DMD: variants seen among roughly 807,000 people sequenced by gnomAD.
The protein encoded by DMD is dystrophin, also known as mutant dystrophin.
DMD carries 63 observed loss-of-function variants against 330.1 expected under a neutral mutation model. The observed-to-expected ratio is 0.19, with a 90% CI of 0.16 to 0.24. The LOEUF is 0.24. Among genes scored for constraint, DMD ranks in the 10% least tolerant of loss-of-function variants. The probability of loss-of-function intolerance (pLI) is 1.00; values close to 1 mark genes in which losing one functional copy is unlikely to be tolerated. For missense variants in DMD, 3,344 were observed against 2,684.1 expected (o/e 1.25, Z -5.43); for synonymous variants, 1,223 against 959.8 (o/e 1.27, Z -5.07).
chrX:31,601,660 C>A (rs888592557), intron 55 of DMD, among the ~76,000 whole-genome samples: 4 of 111,186 alleles, frequency 3.6e-5, no homozygotes, highest in Non-Finnish European at 7.6e-5. Flanking sequence ...TTATGAAAAA[C>A]AATGATACTG....
chrX:32,468,508 C>T lies in DMD; in HGVS notation c.3152G>A (p.Arg1051Gln), dbSNP rs761715369. 24 of 1,202,590 alleles carry T rather than the reference C, an allele frequency of 2.0e-5. No homozygotes were observed. The highest frequency in any genetic ancestry group is 7.0e-5 in the African/African-American group (4 of 56,922). The change falls in exon 23 of 79, where the codon CGA becomes CAA. Residue 1051 changes from arginine to glutamine, a missense_variant. By Grantham distance (43) the Arg-to-Gln change is conservative. Transcript: ENST00000357033. ...AAAATCTTGAATTACCTGAATTTTT[C>T]GGAGTTTATTCATTTGCTCCTCTAG... Reference protein sequence around the residue: ...QKLEEQMNKLRKIQNHIQTLK... With the variant: ...QKLEEQMNKLQKIQNHIQTLK...
At chrX:32,265,269 C>A (rs2097339860) in intron 43 of DMD, among the ~76,000 whole-genome samples, 1 of 112,634 alleles carries the variant, frequency 8.9e-6, no homozygotes, top group African/African-American at 3.2e-5. Flanking sequence ...CAGCCCATGG[C>A]TACAGAGGGT....
chrX:33,333,586 C>T (rs2054210005), intron 1 of DMD, among the ~76,000 whole-genome samples: 1 of 110,370 alleles, frequency 9.1e-6, no homozygotes, highest in Non-Finnish European at 1.9e-5. Flanking sequence ...TTATATCTTT[C>T]CCTAGAAAAA....
chrX:31,613,978 C>A (rs1218651572), intron 55 of DMD, among the ~76,000 whole-genome samples: 1 of 111,994 alleles, frequency 8.9e-6, no homozygotes, highest in African/African-American at 3.2e-5. Flanking sequence ...GTTGTCTAAT[C>A]AATGCAATGG....
At chrX:33,311,601 T>C (rs1204427267) in intron 1 of DMD, among the ~76,000 whole-genome samples, 1 of 110,769 alleles carries the variant, frequency 9.0e-6, no homozygotes, top group Non-Finnish European at 1.9e-5. Flanking sequence ...TTTGCTGCTG[T>C]GTTCATAATG....
chrX:31,563,878 T>C (rs1436112377), intron 55 of DMD, among the ~76,000 whole-genome samples: 1 of 111,914 alleles, frequency 8.9e-6, no homozygotes, highest in Non-Finnish European at 1.9e-5. Flanking sequence ...ATTTAAATGT[T>C]GAAGTCCTAA....
intron 30 of DMD, among the ~76,000 whole-genome samples, chrX:32,401,417 A>G (rs1224216365): frequency 8.9e-6 from 1 of 112,165 alleles, no homozygotes; most frequent in Non-Finnish European, 1.9e-5. Context: ...TTGCAATAAC[A>G]TGGATGGAAT....
chrX:31,584,922 C>T (rs2076515148), intron 55 of DMD, among the ~76,000 whole-genome samples: 1 of 111,230 alleles, frequency 9.0e-6, no homozygotes, highest in African/African-American at 3.3e-5. Context: ...GGGTGTTAGC[C>T]TCATACTCTT....
chrX:32,651,427 G>C (rs2060147337), intron 9 of DMD, among the ~76,000 whole-genome samples: 1 of 112,179 alleles, frequency 8.9e-6, no homozygotes, highest in African/African-American at 3.2e-5. Context: ...ACAGGTGTGA[G>C]CCACGGTGTC....
chrX:31,497,255 A>C (rs1014700820), intron 56 of DMD, among the ~76,000 whole-genome samples: 9 of 112,108 alleles, frequency 8.0e-5, no homozygotes, highest in Middle Eastern at 4.6e-3. Context: ...CTGGTAGAAA[A>C]AATTGGATGC....
At chrX:32,460,232 C>T (rs1473887039) in intron 25 of DMD, among the ~76,000 whole-genome samples, 1 of 110,719 alleles carries the variant, frequency 9.0e-6, no homozygotes, top group Non-Finnish European at 1.9e-5. Context: ...TAATTGTTGG[C>T]ACGGATGCAG....
intron 17 of DMD, among the ~76,000 whole-genome samples, chrX:32,519,532 A>T (rs69043): frequency 0.29 from 31,602 of 110,432 alleles, 3,831 homozygotes; most frequent in African/African-American, 0.46. Context: ...CAGTGTGTAA[A>T]ATAAACAGGG....
intron 44 of DMD, among the ~76,000 whole-genome samples, chrX:32,096,010 C>A (rs1285148919): frequency 9.0e-6 from 1 of 111,262 alleles, no homozygotes. Flanking sequence ...CACCCATTAA[C>A]TCGTCATTTA....
At chrX:31,185,081 T>C (rs998197238) in intron 67 of DMD, among the ~76,000 whole-genome samples, 1 of 107,569 alleles carries the variant, frequency 9.3e-6, no homozygotes, top group Non-Finnish European at 1.9e-5. Context: ...AACCTGCACA[T>C]TGTGCACATG....
At chrX:31,273,501 T>C (rs775117911) in intron 62 of DMD, among the ~76,000 whole-genome samples, 21 of 111,900 alleles carry the variant, frequency 1.9e-4, no homozygotes, top group African/African-American at 6.5e-4. Context: ...CAAAAAAAAA[T>C]TTTAAATGCT....
intron 62 of DMD, chrX:31,266,683 C>G: frequency 1.4e-6 from 1 of 699,020 alleles, no homozygotes; most frequent in Non-Finnish European, 2.2e-6. Context: ...AGACGCCCAG[C>G]CGCCCGGCGC....
In DMD at chrX:32,389,377, T is replaced by C. The variant is rs189020557; in HGVS notation, c.4518+124A>G. ...TACATGTGCCAATTTTTGTTCTCAATCTTAAAATTACATAGTATAATTATT... is the reference window on the plus strand; with the variant it reads ...TACATGTGCCAATTTTTGTTCTCAACCTTAAAATTACATAGTATAATTATT... On this transcript the variant is annotated intron_variant, in intron 32 of 78. Coordinates refer to ENST00000357033, the MANE Select transcript of DMD (RefSeq NM_004006.3). The C allele has an allele frequency of 4.0e-3, 3,278 of 813,947 alleles. 11 individuals are homozygous for C. Among genetic ancestry groups the C allele is most frequent in the Non-Finnish European group, 5.1e-3 (2,833 of 556,816 alleles). 67.1% of individuals were successfully genotyped at this position (813,947 alleles called of 1,213,427 possible).
At chrX:32,047,123 A>G (rs1458092865) in intron 44 of DMD, among the ~76,000 whole-genome samples, 1 of 111,492 alleles carries the variant, frequency 9.0e-6, no homozygotes, top group East Asian at 2.8e-4. Context: ...TAGGCTTCAT[A>G]TGCCAAAAAA....
chrX:31,516,278 C>CAAA (rs72056571), intron 55 of DMD, among the ~76,000 whole-genome samples: 890 of 51,785 alleles, frequency 0.017, 9 homozygotes, highest in Non-Finnish European at 0.025. Flanking sequence ...AAAACAAGCG[C>CAAA]AAAAAAAAAA....
Sources: allele counts gnomAD v4.1 joint callset (sites outside exome capture counted in the v4.1 genomes callset), GRCh38; gene constraint gnomAD v4.1.1; transcripts MANE v1.5; gene names NCBI Gene and HGNC (gene_info 2026-07-23, HGNC 2026-07-21).